The following DLG2 variants were observed in gnomAD, a reference collection of about 807,000 sequenced individuals.
DLG2 encodes disks large homolog 2.
DLG2 carries 45 observed loss-of-function variants against 132.5 expected under a neutral mutation model. That is an observed-to-expected ratio of 0.34 (90% confidence interval 0.27 to 0.44). The LOEUF (loss-of-function observed/expected upper bound fraction) is 0.44. Ranked by LOEUF, DLG2 falls within the 20% of genes least tolerant of loss-of-function variation. DLG2 has a pLI of 1.00. For missense variants in DLG2, 1,045 were observed against 1,196.9 expected, an observed-to-expected ratio of 0.87 and a Z score of 1.87; for synonymous variants, 424 against 419.6, an observed-to-expected ratio of 1.01 and a Z score of -0.13.
At chr11:84,307,336 G>C (rs1361388618) in intron 7 of DLG2, among the ~76,000 whole-genome samples, 2 of 152,270 alleles carry the variant, frequency 1.3e-5, no homozygotes, top group East Asian at 3.9e-4. Context: ...TAGACACCAG[G>C]ACTTACTTGA....
chr11:84,429,635 G>A (rs1218045290), intron 7 of DLG2, among the ~76,000 whole-genome samples: 1 of 152,110 alleles, frequency 6.6e-6, no homozygotes. Flanking sequence ...CAAATACTAC[G>A]AGGCATTTTT....
intron 6 of DLG2, among the ~76,000 whole-genome samples, chr11:84,620,549 A>G (rs1387135581): frequency 6.6e-6 from 1 of 152,058 alleles, no homozygotes; most frequent in Non-Finnish European, 1.5e-5. Context: ...AGATAATACA[A>G]TATAGGTGTA....
intron 3 of DLG2, among the ~76,000 whole-genome samples, chr11:85,300,943 G>A (rs1027032089): frequency 6.6e-6 from 1 of 152,166 alleles, no homozygotes; most frequent in Non-Finnish European, 1.5e-5. Flanking sequence ...ACTCACGCCT[G>A]TAATCCCAGC....
chr11:85,420,046 T>A (rs1383807237), intron 3 of DLG2, among the ~76,000 whole-genome samples: 9 of 152,266 alleles, frequency 5.9e-5, no homozygotes, highest in Admixed American at 5.9e-4. Context: ...TTTTTTGTGC[T>A]GGTTTTTCCC....
chr11:83,702,403 G>C (rs1010033442), intron 18 of DLG2, among the ~76,000 whole-genome samples: 2 of 152,116 alleles, frequency 1.3e-5, no homozygotes, highest in Admixed American at 6.5e-5. Context: ...TATCTCATGG[G>C]GTGTTGACAG....
intron 7 of DLG2, among the ~76,000 whole-genome samples, chr11:84,252,740 A>C (rs1041508598): frequency 2.0e-5 from 3 of 152,126 alleles, no homozygotes; most frequent in African/African-American, 7.2e-5. Flanking sequence ...TTTCACAACA[A>C]CTTTTGCTTT....
chr11:84,332,803 A>G (rs1381363511), intron 7 of DLG2, among the ~76,000 whole-genome samples: 1 of 152,134 alleles, frequency 6.6e-6, no homozygotes, highest in Non-Finnish European at 1.5e-5. Context: ...TAAAGTCAAC[A>G]CAACCTAAAG....
chr11:84,846,335 A>G (rs932137755), intron 6 of DLG2, among the ~76,000 whole-genome samples: 2 of 152,136 alleles, frequency 1.3e-5, no homozygotes, highest in African/African-American at 4.8e-5. Context: ...TACCCCATGT[A>G]GAGGTAAATG....
chr11:85,026,868 A>C (rs1004991459), intron 6 of DLG2, among the ~76,000 whole-genome samples: 5 of 151,950 alleles, frequency 3.3e-5, no homozygotes, highest in African/African-American at 7.2e-5. Context: ...TAAATAAATA[A>C]AATAAGCGTA....
intron 6 of DLG2, among the ~76,000 whole-genome samples, chr11:84,631,137 G>A (rs1281431661): frequency 6.7e-6 from 1 of 149,820 alleles, no homozygotes; most frequent in African/African-American, 2.5e-5. Flanking sequence ...GGTAAACAAG[G>A]CTACCAAAAG....
chr11:83,982,917 G>C (rs1254697697), intron 11 of DLG2, among the ~76,000 whole-genome samples: 1 of 152,112 alleles, frequency 6.6e-6, no homozygotes, highest in East Asian at 1.9e-4. Context: ...ACAGTACGCA[G>C]TATAGTAACA....
chr11:84,626,714 G>A (rs1336772924), intron 6 of DLG2, among the ~76,000 whole-genome samples: 2 of 152,166 alleles, frequency 1.3e-5, no homozygotes, highest in African/African-American at 4.8e-5. Flanking sequence ...AGCTATGCAA[G>A]AGGAACATGT....
rs189482217 is a variant in DLG2 at position 84,152,526 on chromosome 11, A to C, written c.624+10935T>G. The stretch of plus-strand genomic sequence containing the variant: ...CTCAGCCTCCCGAGTAGCTGGGACT[A>C]CAGGCGCCCACCACCATGCCCGGCT... On this transcript the variant is annotated intron_variant, in intron 9 of 27. Transcript: ENST00000376104. 7.2e-3 allele frequency among the ~76,000 whole-genome samples: 1,093 copies of C among 151,720 alleles called. 12 individuals carry two copies. The highest frequency in any genetic ancestry group is 0.018 in the African/African-American group (742 of 41,362).
At chr11:83,570,917 T>C (rs866994246) in intron 19 of DLG2, among the ~76,000 whole-genome samples, 1 of 152,148 alleles carries the variant, frequency 6.6e-6, no homozygotes, top group Non-Finnish European at 1.5e-5. Flanking sequence ...AGTTTTGCTC[T>C]TGTTGCCCAG....
At chr11:85,571,495 T>C (rs1008386964) in intron 3 of DLG2, among the ~76,000 whole-genome samples, 2 of 152,154 alleles carry the variant, frequency 1.3e-5, no homozygotes, top group African/African-American at 4.8e-5. Flanking sequence ...TCAACCCTCA[T>C]GCAAGCAGTT....
intron 6 of DLG2, among the ~76,000 whole-genome samples, chr11:84,758,554 A>G (rs1315810568): frequency 6.6e-6 from 1 of 152,168 alleles, no homozygotes; most frequent in Non-Finnish European, 1.5e-5. Context: ...GTTTTCTGAT[A>G]CTGATTCATT....
intron 6 of DLG2, chr11:84,546,430 C>G (rs2099389995): frequency 4.5e-6 from 1 of 224,182 alleles, no homozygotes; most frequent in African/African-American, 2.3e-5. Context: ...AACCATGAGC[C>G]AATTAAACCT....
At chr11:83,907,619 T>C (rs997873249) in intron 15 of DLG2, among the ~76,000 whole-genome samples, 2 of 152,174 alleles carry the variant, frequency 1.3e-5, no homozygotes, top group African/African-American at 4.8e-5. Flanking sequence ...AGCTCATGTA[T>C]GTAACAGGTT....
intron 21 of DLG2, among the ~76,000 whole-genome samples, chr11:83,529,168 C>T (rs2095678171): frequency 6.6e-6 from 1 of 152,096 alleles, no homozygotes; most frequent in Middle Eastern, 3.2e-3. Flanking sequence ...TATTATCCTT[C>T]TCATTCCAGA....
Sources: gnomAD v4.1 joint callset for allele counts (sites outside exome capture counted in the v4.1 genomes callset) on GRCh38, gnomAD v4.1.1 for gene constraint, MANE v1.5 for transcripts, NCBI Gene and HGNC (gene_info 2026-07-23, HGNC 2026-07-21) for gene names.